The following HS2ST1 variants were observed in gnomAD, a reference collection of about 807,000 sequenced individuals.
The protein encoded by HS2ST1 is heparan sulfate 2-O-sulfotransferase 1, also known as 2-O-sulfotransferase.
A neutral mutation model predicts 42.9 loss-of-function variants in HS2ST1; 18 were observed. The observed-to-expected ratio is 0.42, with a 90% confidence interval of 0.29 to 0.62. The LOEUF is 0.62. Ranked by LOEUF, HS2ST1 falls within the 20% of genes least tolerant of loss-of-function variation. The pLI, the probability that HS2ST1 is intolerant of heterozygous loss-of-function variation, is 0.21. For missense variants in HS2ST1, 334 were observed against 433.8 expected, an observed-to-expected ratio of 0.77 and a Z score of 2.04; for synonymous variants, 146 against 152.9, an observed-to-expected ratio of 0.95 and a Z score of 0.33.
chr1:87,005,427 A>G (rs1173751913), intron 1 of HS2ST1, among the ~76,000 whole-genome samples: 1 of 152,190 alleles, frequency 6.6e-6, no homozygotes, highest in East Asian at 1.9e-4. Context: ...TATAAAGTAA[A>G]TAAAGGTATA....
intron 1 of HS2ST1, among the ~76,000 whole-genome samples, chr1:87,033,098 A>G (rs766383173): frequency 9.2e-5 from 14 of 152,236 alleles, no homozygotes; most frequent in African/African-American, 3.1e-4. Context: ...ACCTGAGATT[A>G]TATATATTTA....
chr1:86,920,202 G>C (rs796239653), intron 1 of HS2ST1, among the ~76,000 whole-genome samples: 7 of 152,206 alleles, frequency 4.6e-5, no homozygotes, highest in African/African-American at 1.7e-4. Flanking sequence ...CTTTTACATG[G>C]GGAAAATAAT....
In HS2ST1 at chr1:87,029,954, G is replaced by A. The variant is rs960354492; in HGVS notation, c.125-42980G>A. 8.5e-5 allele frequency among the ~76,000 whole-genome samples: 13 copies of A among 152,230 alleles called. 1 individual carries two copies. The Middle Eastern group carries it at 0.017, about 199-fold the overall frequency. ...ATTTTGGTTTCTTGCCCAGAAGAAAGGTATTTCGGTAAAAAGGAAAGCAAA... is the reference window on the plus strand; with the variant it reads ...ATTTTGGTTTCTTGCCCAGAAGAAAAGTATTTCGGTAAAAAGGAAAGCAAA... On this transcript the variant is annotated intron_variant, in intron 1 of 6. Transcript: ENST00000370550.
intron 1 of HS2ST1, among the ~76,000 whole-genome samples, chr1:86,931,194 G>GT (rs1660532772): frequency 6.6e-6 from 1 of 151,914 alleles, no homozygotes; most frequent in African/African-American, 2.4e-5. Flanking sequence ...AAATTGAATT[G>GT]TATTATACAT....
At chr1:86,980,684 C>G (rs1033381353) in intron 1 of HS2ST1, among the ~76,000 whole-genome samples, 1 of 152,016 alleles carries the variant, frequency 6.6e-6, no homozygotes, top group African/African-American at 2.4e-5. Context: ...GTGATTTATA[C>G]CAAGTAAATC....
intron 1 of HS2ST1, among the ~76,000 whole-genome samples, chr1:87,046,962 C>G (rs1570510378): frequency 6.6e-6 from 1 of 151,302 alleles, no homozygotes; most frequent in African/African-American, 2.4e-5. Context: ...CCTGCCTTGG[C>G]CTCCCAAAGT....
chr1:87,100,466 G>A (rs1031598170), intron 5 of HS2ST1, among the ~76,000 whole-genome samples: 1 of 152,166 alleles, frequency 6.6e-6, no homozygotes, highest in Admixed American at 6.5e-5. Context: ...CAAGGCTTCT[G>A]GGCCTGTGAT....
At chr1:86,970,945 A>G (rs1388929865) in intron 1 of HS2ST1, among the ~76,000 whole-genome samples, 1 of 152,184 alleles carries the variant, frequency 6.6e-6, no homozygotes, top group Admixed American at 6.5e-5. Flanking sequence ...ACAATTGACA[A>G]GTTCTCTTTT....
intron 1 of HS2ST1, among the ~76,000 whole-genome samples, chr1:87,041,358 G>A (rs933597590): frequency 6.6e-6 from 1 of 151,616 alleles, no homozygotes; most frequent in South Asian, 2.1e-4. Flanking sequence ...CTGCACTCCA[G>A]TGTGGGTTAC....
At chr1:87,050,366 C>T (rs908012165) in intron 1 of HS2ST1, among the ~76,000 whole-genome samples, 4 of 151,730 alleles carry the variant, frequency 2.6e-5, no homozygotes, top group South Asian at 4.2e-4. Context: ...CTTTATTTTT[C>T]GAACTTTGTT....
intron 1 of HS2ST1, among the ~76,000 whole-genome samples, chr1:87,067,523 G>C (rs953580792): frequency 4.6e-5 from 7 of 152,124 alleles, no homozygotes; most frequent in African/African-American, 1.7e-4. Context: ...TAGGTTGCCT[G>C]TTCACTCTGA....
chr1:87,012,515 T>C (rs535000243), intron 1 of HS2ST1, among the ~76,000 whole-genome samples: 2 of 152,282 alleles, frequency 1.3e-5, no homozygotes, highest in African/African-American at 4.8e-5. Context: ...TCCCACTGTG[T>C]CCCTTTCACA....
intron 1 of HS2ST1, among the ~76,000 whole-genome samples, chr1:87,020,110 C>T (rs762047250): frequency 2.0e-5 from 3 of 152,050 alleles, no homozygotes; most frequent in Admixed American, 6.6e-5. Context: ...CTTTTTATTA[C>T]GTGACAGTAA....
At chr1:87,089,089 TC>T (rs1475862325) in intron 3 of HS2ST1, among the ~76,000 whole-genome samples, 2 of 152,036 alleles carry the variant, frequency 1.3e-5, no homozygotes, top group Non-Finnish European at 2.9e-5. Flanking sequence ...TTTGACTTTT[TC>T]CAGCCAGTTG....
At chr1:87,047,232 C>A (rs928808783) in intron 1 of HS2ST1, among the ~76,000 whole-genome samples, 1 of 152,088 alleles carries the variant, frequency 6.6e-6, no homozygotes, top group Non-Finnish European at 1.5e-5. Context: ...TTCTTATCTG[C>A]ATATCTCTTT....
At chr1:87,095,515 G>C (rs1383172540) in intron 4 of HS2ST1, among the ~76,000 whole-genome samples, 5 of 152,100 alleles carry the variant, frequency 3.3e-5, no homozygotes, top group Admixed American at 6.6e-5. Context: ...AGAATGGAAG[G>C]CTTTTGATTT....
chr1:86,942,421 C>A (rs980072239), intron 1 of HS2ST1, among the ~76,000 whole-genome samples: 1 of 152,108 alleles, frequency 6.6e-6, no homozygotes, highest in East Asian at 1.9e-4. Context: ...TATCTTTGTT[C>A]TTCTGTTCTA....
chr1:87,033,539 TTTTG>T (rs377353101), intron 1 of HS2ST1, among the ~76,000 whole-genome samples: 115 of 151,796 alleles, frequency 7.6e-4, no homozygotes, highest in East Asian at 6.9e-3. Context: ...TTTTTTGTTT[TTTTG>T]TTTGTTTGTT....
At chr1:86,925,156 TAAC>T (rs1273347368) in intron 1 of HS2ST1, among the ~76,000 whole-genome samples, 1 of 152,186 alleles carries the variant, frequency 6.6e-6, no homozygotes, top group Non-Finnish European at 1.5e-5. Flanking sequence ...TTCTAAAACA[TAAC>T]AAGAGCCACC....
Sources: gnomAD v4.1 joint callset for allele counts (sites outside exome capture counted in the v4.1 genomes callset) on GRCh38, gnomAD v4.1.1 for gene constraint, MANE v1.5 for transcripts, NCBI Gene and HGNC (gene_info 2026-07-23, HGNC 2026-07-21) for gene names.